PABPC4L: variants seen among roughly 807,000 people sequenced by gnomAD.
PABPC4L encodes polyadenylate-binding protein 4-like.
For synonymous variants in PABPC4L, 169 were observed against 164.1 expected (o/e 1.03, Z -0.23); for missense variants, 452 against 451.4 (o/e 1.00, Z -0.01).
At chr4:134,056,470 A>T in the PABPC4L span, among the ~76,000 whole-genome samples, 1 of 151,986 alleles carries the variant, frequency 6.6e-6, no homozygotes, top group South Asian at 2.1e-4. Context: ...GTCCATGAGC[A>T]TAGTATTTCT....
chr4:134,070,724 A>G, the PABPC4L span, among the ~76,000 whole-genome samples: 1 of 152,008 alleles, frequency 6.6e-6, no homozygotes, highest in African/African-American at 2.4e-5. Context: ...GAGCTCTCCC[A>G]TGGTCAGGTG....
At chr4:134,020,646 C>T in the PABPC4L span, among the ~76,000 whole-genome samples, 3 of 151,978 alleles carry the variant, frequency 2.0e-5, no homozygotes, top group African/African-American at 7.3e-5. Context: ...TAAGTACTAG[C>T]CTACAACACC....
chr4:134,049,650 C>T, the PABPC4L span, among the ~76,000 whole-genome samples: 1 of 152,114 alleles, frequency 6.6e-6, no homozygotes, highest in African/African-American at 2.4e-5. Flanking sequence ...CTCTGCAGTG[C>T]TATTTGTTAC....
the PABPC4L span, among the ~76,000 whole-genome samples, chr4:134,064,842 C>A: frequency 1.3e-5 from 2 of 151,950 alleles, no homozygotes; most frequent in African/African-American, 4.8e-5. Flanking sequence ...TAAGAGTGAA[C>A]ATGAGGTATT....
chr4:133,963,921 GAAACA>G, the PABPC4L span, among the ~76,000 whole-genome samples: 72 of 151,808 alleles, frequency 4.7e-4, no homozygotes, highest in Admixed American at 7.9e-4. Context: ...AGGAACTAGA[GAAACA>G]AAACAAAACA....
At chr4:134,148,006 T>C in the PABPC4L span, among the ~76,000 whole-genome samples, 1 of 152,020 alleles carries the variant, frequency 6.6e-6, no homozygotes, top group African/African-American at 2.4e-5. Context: ...AGCTGGTATA[T>C]TTATGTATTA....
rs1338157204 is a variant in PABPC4L, at chr4:134,200,752, C to CA, written c.267dup (p.Ala90CysfsTer22). The CA allele has an allele frequency of 6.4e-7, 1 of 1,551,624 alleles. No individual in the cohort carries two copies. The highest frequency in any genetic ancestry group is 8.7e-7 in the Non-Finnish European group (1 of 1,147,002). ...CCAATTCCAGATCTCCTCAAGTAGGCATCGCGCTGAGACCACATGAGACGG... is the reference window on the plus strand; with the variant it reads ...CCAATTCCAGATCTCCTCAAGTAGGCAATCGCGCTGAGACCACATGAGACGG... On this transcript the variant is annotated frameshift_variant, in exon 2 of 2. Transcript: ENST00000421491. LOFTEE classifies it low-confidence loss of function (END_TRUNC).
the PABPC4L span, among the ~76,000 whole-genome samples, chr4:133,953,262 C>T: frequency 9.2e-5 from 14 of 152,108 alleles, no homozygotes; most frequent in Non-Finnish European, 2.9e-5. Context: ...AGTATTCTCT[C>T]ATCTTCTCCA....
At chr4:134,061,156 A>G in the PABPC4L span, among the ~76,000 whole-genome samples, 4 of 152,190 alleles carry the variant, frequency 2.6e-5, no homozygotes, top group East Asian at 5.8e-4. Context: ...ATTATTATGC[A>G]TTTTATGCCC....
At chr4:134,180,188 A>T in the PABPC4L span, among the ~76,000 whole-genome samples, 1 of 152,098 alleles carries the variant, frequency 6.6e-6, no homozygotes, top group Admixed American at 6.6e-5. Flanking sequence ...AATCATACCA[A>T]CCAGGATCTC....
the PABPC4L span, among the ~76,000 whole-genome samples, chr4:134,122,792 A>C: frequency 1.3e-5 from 2 of 151,814 alleles, no homozygotes; most frequent in Non-Finnish European, 2.9e-5. Flanking sequence ...CCTTTTTATT[A>C]ATTGTTTATA....
the PABPC4L span, among the ~76,000 whole-genome samples, chr4:134,000,835 G>A: frequency 6.6e-6 from 1 of 152,074 alleles, no homozygotes; most frequent in Non-Finnish European, 1.5e-5. Flanking sequence ...ATCAGATCTG[G>A]ACTGGAACAT....
At chr4:134,186,992 G>T in the PABPC4L span, among the ~76,000 whole-genome samples, 1 of 152,078 alleles carries the variant, frequency 6.6e-6, no homozygotes, top group African/African-American at 2.4e-5. Context: ...ACCACAATGA[G>T]ATACCATCTC....
the PABPC4L span, among the ~76,000 whole-genome samples, chr4:134,051,153 C>T: frequency 1.3e-5 from 2 of 152,036 alleles, no homozygotes; most frequent in East Asian, 1.9e-4. Context: ...TGTTCAATTT[C>T]CATAACAGAG....
chr4:134,144,479 A>G, the PABPC4L span, among the ~76,000 whole-genome samples: 2 of 151,378 alleles, frequency 1.3e-5, no homozygotes, highest in East Asian at 1.9e-4. Flanking sequence ...GATGTCATAA[A>G]TCATCATATT....
the PABPC4L span, among the ~76,000 whole-genome samples, chr4:133,998,474 A>T: frequency 1.3e-5 from 2 of 151,994 alleles, no homozygotes; most frequent in Non-Finnish European, 2.9e-5. Context: ...AAAAATAAAA[A>T]TCTCTCACAA....
the PABPC4L span, among the ~76,000 whole-genome samples, chr4:133,978,541 G>T: frequency 6.6e-6 from 1 of 150,524 alleles, no homozygotes; most frequent in African/African-American, 2.5e-5. Context: ...GCTTGAGCCC[G>T]GGAGGTGGAG....
the PABPC4L span, among the ~76,000 whole-genome samples, chr4:134,011,431 A>G: frequency 6.6e-6 from 1 of 152,166 alleles, no homozygotes; most frequent in Non-Finnish European, 1.5e-5. Flanking sequence ...TTTTGTAAAT[A>G]TCAATTGCTT....
chr4:134,190,154 C>T, the PABPC4L span, among the ~76,000 whole-genome samples: 1 of 152,104 alleles, frequency 6.6e-6, no homozygotes, highest in African/African-American at 2.4e-5. Context: ...TACTGGTTAC[C>T]ATACAGGTTT....
Sources: gnomAD v4.1 joint callset for allele counts (sites outside exome capture counted in the v4.1 genomes callset) on GRCh38, gnomAD v4.1.1 for gene constraint, MANE v1.5 for transcripts, NCBI Gene and HGNC (gene_info 2026-07-23, HGNC 2026-07-21) for gene names.